KCTD16: variants seen among roughly 807,000 people sequenced by gnomAD.
The protein encoded by KCTD16 is BTB/POZ domain-containing protein KCTD16.
KCTD16 carries 13 observed loss-of-function variants against 33.2 expected under a neutral mutation model. That is an observed-to-expected ratio of 0.39 (90% confidence interval 0.25 to 0.62). The LOEUF (loss-of-function observed/expected upper bound fraction) is 0.62. Ranked by LOEUF, KCTD16 falls within the 20% of genes least tolerant of loss-of-function variation. KCTD16 has a pLI of 0.50. For synonymous variants in KCTD16, 197 were observed against 195.3 expected (o/e 1.01, Z -0.07); for missense variants, 441 against 525.1 (o/e 0.84, Z 1.57).
chr5:144,327,445 ATTCATGAACCC>A (rs1397009965), intron 3 of KCTD16, among the ~76,000 whole-genome samples: 1 of 152,106 alleles, frequency 6.6e-6, no homozygotes, highest in Non-Finnish European at 1.5e-5. Flanking sequence ...TCCCATTAGA[ATTCATGAACCC>A]TTCTTCCTGT....
chr5:144,331,711 A>C (rs1580878566), intron 3 of KCTD16, among the ~76,000 whole-genome samples: 1 of 152,316 alleles, frequency 6.6e-6, no homozygotes, highest in East Asian at 1.9e-4. Flanking sequence ...GAGAATTCTA[A>C]CAATATCCTA....
intron 3 of KCTD16, among the ~76,000 whole-genome samples, chr5:144,394,213 C>T (rs560858726): frequency 1.4e-4 from 22 of 152,226 alleles, no homozygotes; most frequent in African/African-American, 5.3e-4. Flanking sequence ...CCATTTTCTG[C>T]CACTCATGGA....
intron 3 of KCTD16, among the ~76,000 whole-genome samples, chr5:144,241,602 C>T (rs1754405953): frequency 6.6e-6 from 1 of 152,186 alleles, no homozygotes; most frequent in Admixed American, 6.5e-5. Flanking sequence ...GCTATCACTC[C>T]CCTGTTGAAT....
chr5:144,171,436 T>G (rs1201192112), intron 1 of KCTD16, among the ~76,000 whole-genome samples: 4 of 152,168 alleles, frequency 2.6e-5, no homozygotes, highest in African/African-American at 9.7e-5. Context: ...TGAGGAAAGA[T>G]GAAAATCGAG....
intron 3 of KCTD16, among the ~76,000 whole-genome samples, chr5:144,366,132 G>A (rs1273199667): frequency 6.6e-6 from 1 of 152,130 alleles, no homozygotes; most frequent in African/African-American, 2.4e-5. Context: ...ACCTAGATTA[G>A]AAGATTACCT....
intron 3 of KCTD16, among the ~76,000 whole-genome samples, chr5:144,449,334 G>C (rs945008295): frequency 2.0e-5 from 3 of 151,928 alleles, no homozygotes; most frequent in Admixed American, 6.6e-5. Flanking sequence ...ATGCAAAGCT[G>C]TCTACAGATT....
chr5:144,467,648 CA>C (rs995682477), intron 3 of KCTD16, among the ~76,000 whole-genome samples: 2 of 152,124 alleles, frequency 1.3e-5, no homozygotes, highest in Non-Finnish European at 2.9e-5. Flanking sequence ...AGATCACACA[CA>C]AAACATTGAG....
At chr5:144,346,877 C>G (rs756290574) in intron 3 of KCTD16, among the ~76,000 whole-genome samples, 2 of 152,036 alleles carry the variant, frequency 1.3e-5, no homozygotes, top group Non-Finnish European at 2.9e-5. Context: ...CCCATTTGTC[C>G]ATGTTTGCTT....
chr5:144,248,681 G>C (rs752398427), intron 3 of KCTD16, among the ~76,000 whole-genome samples: 1 of 152,148 alleles, frequency 6.6e-6, no homozygotes, highest in Non-Finnish European at 1.5e-5. Flanking sequence ...ATGATAATAG[G>C]AATGAAGAAG....
chr5:144,201,130 T>C (rs1350389321), intron 2 of KCTD16, among the ~76,000 whole-genome samples: 1 of 152,208 alleles, frequency 6.6e-6, no homozygotes, highest in Non-Finnish European at 1.5e-5. Flanking sequence ...TCAGAGACTA[T>C]ATGAAATCGG....
At chr5:144,436,834 C>T (rs1033704205) in intron 3 of KCTD16, among the ~76,000 whole-genome samples, 1 of 152,090 alleles carries the variant, frequency 6.6e-6, no homozygotes. Flanking sequence ...GATCCTCCCA[C>T]CTCGGCCTCC....
rs1279929486 is a variant in KCTD16 at position 144,475,313 on chromosome 5, G to T, written c.*1199G>T. 1 of 152,126 alleles carries T rather than the reference G, an allele frequency of 6.6e-6. No homozygotes were observed. The highest frequency in any genetic ancestry group is 2.4e-5 in the African/African-American group (1 of 41,412). 9.4% of individuals were successfully genotyped at this position (152,126 alleles called of 1,614,324 possible). ...CCGTTTTTGTTTGCCTTTGGGATTC[G>T]GGCTTTGGCTGTGCCCATGCTAGGA... is the stretch of plus-strand genomic sequence containing the variant. On this transcript the variant is annotated 3_prime_UTR_variant, in exon 4 of 4. Transcript: ENST00000512467.
intron 3 of KCTD16, among the ~76,000 whole-genome samples, chr5:144,462,469 G>GAA (rs1346129848): frequency 6.7e-6 from 1 of 149,314 alleles, no homozygotes; most frequent in Non-Finnish European, 1.5e-5. Flanking sequence ...ATGAGAAAGA[G>GAA]AAAATTCTCT....
At chr5:144,459,549 T>C (rs1193895671) in intron 3 of KCTD16, among the ~76,000 whole-genome samples, 1 of 151,836 alleles carries the variant, frequency 6.6e-6, no homozygotes, top group Admixed American at 6.6e-5. Flanking sequence ...AAGGTTTCAC[T>C]ATGCTGTCCA....
Position 144,483,248 on chromosome 5 carries a change from A to G in KCTD16, c.*9134A>G, listed in dbSNP as rs984003894. 4 of 151,788 alleles carry G rather than the reference A, an allele frequency of 2.6e-5. No individual in the cohort carries two copies. Among genetic ancestry groups the G allele is most frequent in the Non-Finnish European group, 5.9e-5 (4 of 67,896 alleles). The allele number at this position is 151,788 out of a possible 1,614,324, so 9.4% of individuals were successfully genotyped here. A position where few individuals can be genotyped will look rare whatever the true frequency, so the allele number is the denominator to read the frequency against. ...GTAGGTGTATGATAGCACAAATTCA[A>G]TGGTTATTGCCCTAGTGGTGCTTCA... On this transcript the variant is annotated 3_prime_UTR_variant, in exon 4 of 4. Coordinates refer to ENST00000512467, the MANE Select transcript of KCTD16 (RefSeq NM_020768.4).
At chr5:144,268,833 G>C (rs567535435) in intron 3 of KCTD16, among the ~76,000 whole-genome samples, 15 of 152,212 alleles carry the variant, frequency 9.9e-5, no homozygotes, top group African/African-American at 3.6e-4. Context: ...ACTAAAGAAA[G>C]ATGTTGGGAA....
rs757998131 is a variant in KCTD16, at chr5:144,207,473, G to T, written c.759G>T (p.Ser253=). The change falls in exon 3 of 4, where the codon TCG becomes TCT. Residue 253 remains serine (S), a synonymous_variant. Transcript: ENST00000512467. ...CGFHMVACNS[S]VTASFINQYT... ...TCCACATGGTGGCCTGTAACTCATC[G>T]GTGACAGCATCTTTCATCAACCAAT... is the stretch of plus-strand genomic sequence containing the variant. 6.2e-7 allele frequency: 1 copy of T among 1,613,998 alleles called. No homozygotes were observed. Among genetic ancestry groups the T allele is most frequent in the African/African-American group, 1.3e-5 (1 of 74,906 alleles).
intron 3 of KCTD16, among the ~76,000 whole-genome samples, chr5:144,297,875 G>C (rs539543559): frequency 6.6e-6 from 1 of 152,316 alleles, no homozygotes; most frequent in African/African-American, 2.4e-5. Flanking sequence ...TGGGAGCTCT[G>C]TTTTCACTCT....
At chr5:144,309,239 T>C (rs942216675) in intron 3 of KCTD16, among the ~76,000 whole-genome samples, 1 of 152,190 alleles carries the variant, frequency 6.6e-6, no homozygotes, top group Non-Finnish European at 1.5e-5. Flanking sequence ...CAAAGGACTT[T>C]ATGCACTCTT....
Sources: allele counts gnomAD v4.1 joint callset (sites outside exome capture counted in the v4.1 genomes callset), GRCh38; gene constraint gnomAD v4.1.1; transcripts MANE v1.5; gene names NCBI Gene and HGNC (gene_info 2026-07-23, HGNC 2026-07-21).